The following PANK1 variants were observed in gnomAD, a reference collection of about 807,000 sequenced individuals.
The protein encoded by PANK1 is pantothenate kinase 1.
Under a neutral mutation model 40.1 loss-of-function variants are expected in PANK1, and 18 were observed. The observed-to-expected ratio is 0.45, with a 90% CI of 0.31 to 0.67. The LOEUF (loss-of-function observed/expected upper bound fraction) is 0.67. PANK1 is among the 30% of genes least tolerant of loss of function. The pLI, the probability that PANK1 is intolerant of heterozygous loss-of-function variation, is 0.06. For missense variants in PANK1, 457 were observed against 599.6 expected, an observed-to-expected ratio of 0.76 and a Z score of 2.48; for synonymous variants, 242 against 237.7, an observed-to-expected ratio of 1.02 and a Z score of -0.17.
chr10:89,632,188 C>T (rs138792306), intron 1 of PANK1, among the ~76,000 whole-genome samples: 2 of 152,134 alleles, frequency 1.3e-5, no homozygotes, highest in African/African-American at 4.8e-5. Context: ...GTTAAAATCC[C>T]AACACTTTCC....
chr10:89,603,913 C>G (rs954639276), intron 2 of PANK1, among the ~76,000 whole-genome samples: 1 of 152,162 alleles, frequency 6.6e-6, no homozygotes, highest in Non-Finnish European at 1.5e-5. Flanking sequence ...ACAAATCAGT[C>G]CTCAGATTAA....
Position 89,610,381 on chromosome 10 carries a change from T to C in PANK1, c.645+1315A>G, listed in dbSNP as rs1198580956. ...TTAAAACTCTTTGATCATGAGCCTCTTTGGTGAGAAAAGGATTCTGTGGGT... is the reference window on the plus strand; with the variant it reads ...TTAAAACTCTTTGATCATGAGCCTCCTTGGTGAGAAAAGGATTCTGTGGGT... On this transcript the variant is annotated intron_variant, in intron 2 of 6. Coordinates refer to ENST00000307534, the MANE Select transcript of PANK1 (RefSeq NM_148977.3). Among the ~76,000 whole-genome samples, 7 of 152,140 alleles carry C rather than the reference T, an allele frequency of 4.6e-5. No homozygotes were observed. In the East Asian group the frequency reaches 1.3e-3, roughly 29 times the overall value.
intron 2 of PANK1, among the ~76,000 whole-genome samples, chr10:89,600,355 C>T (rs1481570713): frequency 6.6e-6 from 1 of 152,164 alleles, no homozygotes; most frequent in Non-Finnish European, 1.5e-5. Context: ...AAGCCCTACT[C>T]CCCTTTTTCC....
chr10:89,604,188 T>C (rs1011166881), intron 2 of PANK1, among the ~76,000 whole-genome samples: 1 of 152,194 alleles, frequency 6.6e-6, no homozygotes, highest in South Asian at 2.1e-4. Context: ...ATCCTATTTG[T>C]TCAAAGGGTA....
intron 1 of PANK1, among the ~76,000 whole-genome samples, chr10:89,640,499 A>G (rs1841939496): frequency 6.6e-6 from 1 of 152,186 alleles, no homozygotes; most frequent in Non-Finnish European, 1.5e-5. Context: ...TGACAGCTGC[A>G]CTATCTAGAG....
intron 1 of PANK1, among the ~76,000 whole-genome samples, chr10:89,612,367 G>A (rs115802685): frequency 0.02 from 3,083 of 152,182 alleles, 110 homozygotes; most frequent in African/African-American, 0.07. Context: ...TCACCAAGCT[G>A]AGTGTTATAC....
chr10:89,592,925 T>A (rs1489949460), intron 5 of PANK1: 1 of 524,684 alleles, frequency 1.9e-6, no homozygotes, highest in Non-Finnish European at 3.6e-6. Flanking sequence ...GCAATAATGA[T>A]GGTTAGAGAG....
intron 2 of PANK1, among the ~76,000 whole-genome samples, chr10:89,602,728 A>G (rs1336249543): frequency 1.3e-5 from 2 of 152,226 alleles, no homozygotes; most frequent in African/African-American, 4.8e-5. Context: ...ACAAAGGAGC[A>G]AAGGCCTTGA....
intron 1 of PANK1, among the ~76,000 whole-genome samples, chr10:89,638,020 A>G (rs1841871502): frequency 6.6e-6 from 1 of 152,208 alleles, no homozygotes; most frequent in Admixed American, 6.5e-5. Context: ...AGGGTCATCA[A>G]TATCACGGTC....
chr10:89,641,027 G>A (rs1480482466), intron 1 of PANK1, among the ~76,000 whole-genome samples: 1 of 152,170 alleles, frequency 6.6e-6, no homozygotes, highest in Non-Finnish European at 1.5e-5. Flanking sequence ...AATGTGTATT[G>A]TACAATTCAT....
At chr10:89,597,676 T>C (rs1313525290) in intron 3 of PANK1, among the ~76,000 whole-genome samples, 1 of 152,238 alleles carries the variant, frequency 6.6e-6, no homozygotes, top group Non-Finnish European at 1.5e-5. Flanking sequence ...TTAATAAAAC[T>C]AGATATCTCT....
chr10:89,622,268 T>C lies in PANK1; in HGVS notation c.293-10220A>G, dbSNP rs116605983. On this transcript the variant is annotated intron_variant, in intron 1 of 6. Coordinates refer to ENST00000307534, the MANE Select transcript of PANK1 (RefSeq NM_148977.3). ...ACACACAGAGCAATCTGTTGAACAT[T>C]ACTCTATGAAAAGAAATTTGAGTCA... Among the ~76,000 whole-genome samples the C allele has an allele frequency of 3.2e-3, 489 of 152,342 alleles. 8 individuals are homozygous for C. The highest frequency in any genetic ancestry group is 0.011 in the African/African-American group (464 of 41,582).
rs866572828 is a variant in PANK1, at chr10:89,636,398, G to A, written c.292+8202C>T. The stretch of plus-strand genomic sequence containing the variant: ...GGAGTGCAGGTTGGCTTGCAGTGGC[G>A]CGATCTCAGCTCACTGCAGGCTCGG... On this transcript the variant is annotated intron_variant, in intron 1 of 6. Transcript: ENST00000307534. Among the ~76,000 whole-genome samples, 12 of 151,704 alleles carry A rather than the reference G, an allele frequency of 7.9e-5. No individual in the cohort carries two copies. In the East Asian group the frequency reaches 9.7e-4, roughly 12 times the overall value.
chr10:89,623,525 A>ATTT (rs34318773), intron 1 of PANK1, among the ~76,000 whole-genome samples: 19 of 147,728 alleles, frequency 1.3e-4, no homozygotes, highest in South Asian at 4.3e-4. Context: ...GCCTGGCCCA[A>ATTT]TTTTTTTTTT....
intron 1 of PANK1, among the ~76,000 whole-genome samples, chr10:89,629,052 G>A (rs1484904530): frequency 6.6e-6 from 1 of 152,174 alleles, no homozygotes; most frequent in African/African-American, 2.4e-5. Flanking sequence ...GAGAAACCAG[G>A]AAAGCAAGTC....
intron 1 of PANK1, among the ~76,000 whole-genome samples, chr10:89,613,027 C>T (rs1347310754): frequency 6.6e-6 from 1 of 152,120 alleles, no homozygotes; most frequent in Non-Finnish European, 1.5e-5. Flanking sequence ...AAATGAATCT[C>T]CATCATGATG....
chr10:89,611,141 T>C (rs1363447563), intron 2 of PANK1, among the ~76,000 whole-genome samples: 1 of 152,200 alleles, frequency 6.6e-6, no homozygotes, highest in Non-Finnish European at 1.5e-5. Context: ...ACTCCCTAAA[T>C]GGTATTCATT....
At chr10:89,636,376 G>A (rs924380006) in intron 1 of PANK1, among the ~76,000 whole-genome samples, 1 of 151,764 alleles carries the variant, frequency 6.6e-6, no homozygotes, top group African/African-American at 2.4e-5. Context: ...TGGAGTTGGA[G>A]TGCAGGTTGG....
At chr10:89,587,673 G>A (rs937337378) in intron 6 of PANK1, among the ~76,000 whole-genome samples, 5 of 152,158 alleles carry the variant, frequency 3.3e-5, no homozygotes, top group South Asian at 2.1e-4. Context: ...AAAAATAGGC[G>A]TTGGTCTCAC....
Sources: gnomAD v4.1 joint callset for allele counts (sites outside exome capture counted in the v4.1 genomes callset) on GRCh38, gnomAD v4.1.1 for gene constraint, MANE v1.5 for transcripts, NCBI Gene and HGNC (gene_info 2026-07-23, HGNC 2026-07-21) for gene names.